The following DOCK2 variants were observed in gnomAD, a reference collection of about 807,000 sequenced individuals.
The protein encoded by DOCK2 is dedicator of cytokinesis protein 2.
In DOCK2, 87 loss-of-function variants were observed where a neutral mutation model predicts 248.9. That is an observed-to-expected ratio of 0.35 (90% CI 0.29 to 0.42). The LOEUF (loss-of-function observed/expected upper bound fraction) is 0.42. Among genes scored for constraint, DOCK2 ranks in the 10% least tolerant of loss-of-function variants. The pLI is 1.00. For synonymous variants in DOCK2, 805 were observed against 821.6 expected (o/e 0.98, Z 0.35); for missense variants, 1,747 against 2,300.2 (o/e 0.76, Z 4.92).
At chr5:169,676,501 C>T (rs1189817272) in intron 6 of DOCK2, among the ~76,000 whole-genome samples, 6 of 152,190 alleles carry the variant, frequency 3.9e-5, no homozygotes, top group African/African-American at 1.2e-4. Context: ...GTGGCACAGA[C>T]TGAGACCTCA....
chr5:170,018,899 CG>C, intron 32 of DOCK2, 60 bp from the exon 33 acceptor site: 1 of 1,575,650 alleles, frequency 6.3e-7, no homozygotes, highest in Non-Finnish European at 8.6e-7. Flanking sequence ...CAGGCTTGGT[CG>C]GAGGAGGACC....
chr5:169,680,367 A>G (rs1759592267), intron 6 of DOCK2, among the ~76,000 whole-genome samples: 1 of 152,218 alleles, frequency 6.6e-6, no homozygotes, highest in Non-Finnish European at 1.5e-5. Flanking sequence ...ACTGATGCCG[A>G]TCAGGATGAC....
In DOCK2 at chr5:170,004,813, A is replaced by C. The variant is rs558796616; in HGVS notation, c.3073-3684A>C. 1.0e-4 allele frequency among the ~76,000 whole-genome samples: 15 copies of C among 149,264 alleles called. No homozygotes were observed. The East Asian group carries it at 3.0e-3, about 29-fold the overall frequency. On this transcript the variant is annotated intron_variant, in intron 30 of 51. Transcript: ENST00000520908. ...ACCATCATTCTCAGTAAACTATCGC[A>C]AGAACAAAAAACCAAACACCGCATA...
intron 25 of DOCK2, among the ~76,000 whole-genome samples, chr5:169,771,133 C>T (rs382285): frequency 0.047 from 7,131 of 152,298 alleles, 323 homozygotes; most frequent in African/African-American, 0.11. Flanking sequence ...TACTTCTTAA[C>T]CTTTGCCACT....
chr5:169,715,010 A>G (rs1761823975), intron 19 of DOCK2, among the ~76,000 whole-genome samples: 1 of 152,188 alleles, frequency 6.6e-6, no homozygotes, highest in South Asian at 2.1e-4. Flanking sequence ...ATCTGTTAGT[A>G]CTACCCACAG....
chr5:169,712,026 G>T lies in DOCK2; in HGVS notation c.1555+19G>T, dbSNP rs1339870094. 4.3e-6 allele frequency: 7 copies of T among 1,614,104 alleles called. No individual in the cohort carries two copies. The highest frequency in any genetic ancestry group is 5.9e-6 in the Non-Finnish European group (7 of 1,179,950). ...CTGGAATGTGAGTACCATACTGAAT[G>T]GCATCTCTGCACCTCCCCCTAAGGG... On this transcript the variant is annotated intron_variant, in intron 16 of 51. Transcript: ENST00000520908.
intron 27 of DOCK2, chr5:169,883,426 T>C (rs1772785112): frequency 3.2e-6 from 5 of 1,551,606 alleles, no homozygotes. Flanking sequence ...AGGCCCATCC[T>C]CAAGATGCTG....
At chr5:169,657,303 A>T (rs77259465) in intron 2 of DOCK2, among the ~76,000 whole-genome samples, 17,204 of 152,194 alleles carry the variant, frequency 0.11, 1,524 homozygotes, top group African/African-American at 0.24. Context: ...TGAAAAAAAA[A>T]GATTCCTCTA....
intron 27 of DOCK2, among the ~76,000 whole-genome samples, chr5:169,909,136 T>G (rs1561815276): frequency 6.6e-6 from 1 of 152,192 alleles, no homozygotes; most frequent in Non-Finnish European, 1.5e-5. Context: ...GTGCCTCCAT[T>G]TCTAAAGCCT....
At chr5:169,699,927 G>A in intron 12 of DOCK2, 87 bp from the exon 13 acceptor site, 1 of 1,570,460 alleles carries the variant, frequency 6.4e-7, no homozygotes, top group Non-Finnish European at 8.6e-7. Flanking sequence ...GTGATCTCCA[G>A]AAAGACAGAG....
At chr5:169,936,515 T>C (rs559306408) in intron 27 of DOCK2, among the ~76,000 whole-genome samples, 1 of 151,688 alleles carries the variant, frequency 6.6e-6, no homozygotes, top group South Asian at 2.1e-4. Flanking sequence ...TAAACACATC[T>C]ATTCTATCCT....
intron 23 of DOCK2, among the ~76,000 whole-genome samples, chr5:169,754,570 A>T (rs1276292757): frequency 6.6e-6 from 1 of 152,168 alleles, no homozygotes; most frequent in Non-Finnish European, 1.5e-5. Flanking sequence ...TATTCTTACA[A>T]AGGGTGGGGG....
intron 27 of DOCK2, among the ~76,000 whole-genome samples, chr5:169,948,073 C>T (rs915622829): frequency 2.6e-5 from 4 of 152,010 alleles, no homozygotes; most frequent in Non-Finnish European, 4.4e-5. Flanking sequence ...TGTAAGGCAC[C>T]GAGAGAAGAG....
At chr5:169,937,668 A>G (rs977622170) in intron 27 of DOCK2, among the ~76,000 whole-genome samples, 4 of 152,242 alleles carry the variant, frequency 2.6e-5, no homozygotes, top group Non-Finnish European at 5.9e-5. Context: ...ATGGATAAAG[A>G]GTATTTATTA....
At chr5:169,960,630 C>A (rs1777044776) in intron 27 of DOCK2, among the ~76,000 whole-genome samples, 1 of 152,150 alleles carries the variant, frequency 6.6e-6, no homozygotes, top group Non-Finnish European at 1.5e-5. Context: ...ATATTCTTGG[C>A]CATCATTAGT....
At chr5:169,713,034 G>A (rs1236318574) in intron 17 of DOCK2, among the ~76,000 whole-genome samples, 1 of 152,228 alleles carries the variant, frequency 6.6e-6, no homozygotes, top group East Asian at 1.9e-4. Context: ...CCTTTTGCCT[G>A]TGGGATGCAT....
intron 22 of DOCK2, among the ~76,000 whole-genome samples, chr5:169,735,064 T>C (rs1270361043): frequency 6.6e-6 from 1 of 152,210 alleles, no homozygotes; most frequent in Non-Finnish European, 1.5e-5. Flanking sequence ...CCAGGATATT[T>C]TGTTCACCAT....
chr5:169,811,847 C>T (rs751872856), intron 26 of DOCK2, among the ~76,000 whole-genome samples: 3 of 152,208 alleles, frequency 2.0e-5, no homozygotes, highest in Non-Finnish European at 4.4e-5. Flanking sequence ...ATCTACACAT[C>T]GCCAGTTAAC....
At chr5:169,992,458 T>A (rs1295233837) in intron 29 of DOCK2, among the ~76,000 whole-genome samples, 4 of 152,188 alleles carry the variant, frequency 2.6e-5, no homozygotes, top group Non-Finnish European at 5.9e-5. Flanking sequence ...TGCTTAGGCT[T>A]TAAGTACAAT....
Sources: gnomAD v4.1 joint callset for allele counts (sites outside exome capture counted in the v4.1 genomes callset) on GRCh38, gnomAD v4.1.1 for gene constraint, MANE v1.5 for transcripts, NCBI Gene and HGNC (gene_info 2026-07-23, HGNC 2026-07-21) for gene names.